Variants in DNAH9 observed in about 807,000 individuals in gnomAD.
DNAH9 encodes DNAH9 variant protein.
A neutral mutation model predicts 471.6 loss-of-function variants in DNAH9; 345 were observed. That is an observed-to-expected ratio of 0.73 (90% confidence interval 0.67 to 0.80). DNAH9 has a LOEUF of 0.80. Ranked by LOEUF, DNAH9 falls within the 30% of genes least tolerant of loss-of-function variation. The pLI is 0.00. For synonymous variants in DNAH9, 2,093 were observed against 2,123.6 expected, an observed-to-expected ratio of 0.99 and a Z score of 0.40; for missense variants, 5,407 against 5,609.2, an observed-to-expected ratio of 0.96 and a Z score of 1.15.
intron 26 of DNAH9, among the ~76,000 whole-genome samples, chr17:11,714,485 T>C (rs1220620490): frequency 4.6e-5 from 7 of 152,202 alleles, no homozygotes; most frequent in African/African-American, 1.7e-4. Flanking sequence ...TCATGGTCAC[T>C]CCTCAGTTAT....
intron 65 of DNAH9, among the ~76,000 whole-genome samples, chr17:11,936,917 T>C (rs1460072180): frequency 6.6e-6 from 1 of 152,098 alleles, no homozygotes; most frequent in Non-Finnish European, 1.5e-5. Flanking sequence ...GTTTGTCATA[T>C]CTGATTTAGA....
intron 26 of DNAH9, 117 bp from the exon 27 acceptor site, chr17:11,719,217 G>A: frequency 9.8e-7 from 1 of 1,017,956 alleles, no homozygotes; most frequent in South Asian, 1.6e-5. Context: ...GGGAAAAAGG[G>A]GCAGGGCTCT....
rs756715867 is a variant in DNAH9, at chr17:11,679,911, A to C, written c.3508A>C (p.Lys1170Gln). The C allele has an allele frequency of 1.5e-5, 25 of 1,614,162 alleles. No homozygotes were observed. In the South Asian group the frequency reaches 2.6e-4, roughly 17 times the overall value. The change falls in exon 18 of 69, where the codon AAG becomes CAG. Residue 1170 changes from lysine (K) to glutamine (Q), a missense_variant. By Grantham distance (53) the Lys-to-Gln change is moderately conservative (BLOSUM62 1). This residue lies in a region of DNAH9 where 4,636 missense variants were observed against 4,900.3 expected (regional missense o/e 0.95). Coordinates refer to ENST00000262442, the MANE Select transcript of DNAH9 (RefSeq NM_001372.4). ...CACTGATGAGATGTTTGAGCCCTTA[A>C]AGCAGACTATTGAATTGCTGAAGAC... ...SNTDEMFEPLKQTIELLKTYE... is the reference protein window; with the variant it reads ...SNTDEMFEPLQQTIELLKTYE...
At chr17:11,651,968 G>A (rs904887458) in intron 13 of DNAH9, among the ~76,000 whole-genome samples, 14 of 151,782 alleles carry the variant, frequency 9.2e-5, no homozygotes, top group African/African-American at 2.7e-4. Context: ...AGATTAATTC[G>A]AATTAGGGTC....
intron 45 of DNAH9, among the ~76,000 whole-genome samples, chr17:11,817,624 C>T (rs1970147497): frequency 6.6e-6 from 1 of 152,172 alleles, no homozygotes; most frequent in African/African-American, 2.4e-5. Context: ...TTGAACTTCA[C>T]ATAATTTCCA....
chr17:11,941,719 G>C (rs950472913), intron 66 of DNAH9, among the ~76,000 whole-genome samples: 1 of 151,946 alleles, frequency 6.6e-6, no homozygotes. Context: ...TAGATAGATA[G>C]ATAGATAGAT....
chr17:11,746,523 C>G (rs1966885580), intron 31 of DNAH9, among the ~76,000 whole-genome samples: 1 of 152,164 alleles, frequency 6.6e-6, no homozygotes, highest in South Asian at 2.1e-4. Flanking sequence ...GGTTATAAAA[C>G]CATCAGATCT....
At chr17:11,930,121 A>G in intron 63 of DNAH9, 28 bp downstream of exon 63, 1 of 1,580,618 alleles carries the variant, frequency 6.3e-7, no homozygotes, top group Non-Finnish European at 8.7e-7. Context: ...AGGCAAAAAC[A>G]GCAGCACACC....
intron 67 of DNAH9, among the ~76,000 whole-genome samples, chr17:11,956,374 A>G (rs1009445389): frequency 6.6e-6 from 1 of 152,180 alleles, no homozygotes; most frequent in Non-Finnish European, 1.5e-5. Context: ...AAGAAGAAAT[A>G]AACAAATCCA....
At chr17:11,684,486 C>T (rs2074200398) in intron 19 of DNAH9, among the ~76,000 whole-genome samples, 1 of 152,166 alleles carries the variant, frequency 6.6e-6, no homozygotes, top group South Asian at 2.1e-4. Flanking sequence ...ACCAGTTCTC[C>T]CTCTTGAATG....
At chr17:11,632,757 A>T (rs943016901) in intron 8 of DNAH9, 54 bp downstream of exon 8, 9 of 833,318 alleles carry the variant, frequency 1.1e-5, no homozygotes, top group Non-Finnish European at 1.9e-5. Context: ...CCCGGCCCTC[A>T]TCAGAGGATG....
At chr17:11,797,171 G>C (rs1464034756) in intron 42 of DNAH9, among the ~76,000 whole-genome samples, 2 of 152,124 alleles carry the variant, frequency 1.3e-5, no homozygotes, top group African/African-American at 4.8e-5. Context: ...ATGTTGGATG[G>C]CTTTGCTGCA....
Position 11,933,920 on chromosome 17 carries a change from T to A in DNAH9, c.12338T>A (p.Met4113Lys). The change falls in exon 65 of 69, where the codon ATG becomes AAG. Residue 4113 changes from methionine to lysine, a missense_variant. Around this residue, in one of 3 missense-constraint regions of DNAH9, gnomAD observed 4,636 missense variants for 4,900.3 expected, o/e 0.95. Transcript: ENST00000262442. ...DDLRYLFGEI[M>K]YGGHITDDWD... The stretch of plus-strand genomic sequence containing the variant: ...TTGCGCTACCTGTTTGGAGAGATCA[T>A]GTATGGAGGCCATATCACAGATGAC... The A allele has an allele frequency of 6.2e-7, 1 of 1,614,134 alleles. No individual in the cohort carries two copies. The highest frequency in any genetic ancestry group is 8.5e-7 in the Non-Finnish European group (1 of 1,180,010).
At chr17:11,772,325 A>G (rs1035530281) in intron 38 of DNAH9, among the ~76,000 whole-genome samples, 3 of 152,178 alleles carry the variant, frequency 2.0e-5, no homozygotes, top group Admixed American at 6.5e-5. Flanking sequence ...TATTTTTAAA[A>G]TATCCTTTAA....
In DNAH9 at chr17:11,742,341, C is replaced by T. The variant is rs149379474; in HGVS notation, c.6111+28C>T. 14 of 1,609,542 alleles carry T rather than the reference C, an allele frequency of 8.7e-6. No homozygotes were observed. The African/African-American group carries it at 1.7e-4, about 20-fold the overall frequency. ...AGGATCTCTAGGGAGGCTGTACAAC[C>T]AAGCACCGTGCAACAGCCCCAGCTC... On this transcript the variant is annotated intron_variant, in intron 30 of 68. Coordinates refer to ENST00000262442, the MANE Select transcript of DNAH9 (RefSeq NM_001372.4).
At position 11,623,840 on chromosome 17, in the gene DNAH9, T is replaced by C. The variant is rs1380387313; in HGVS notation, c.1350+4059T>C. Among the ~76,000 whole-genome samples the C allele has an allele frequency of 1.3e-5, 2 of 152,116 alleles. No individual in the cohort carries two copies. Among genetic ancestry groups the C allele is most frequent in the African/African-American group, 2.4e-5 (1 of 41,414 alleles). ...CACGGGTTAGAGTGTGAAGGGCTGG[T>C]TTTTAATCCCCACAATTCTCCCAGA... On this transcript the variant is annotated intron_variant, in intron 6 of 68. Coordinates refer to ENST00000262442, the MANE Select transcript of DNAH9 (RefSeq NM_001372.4). This position sits in a 1 kb window ranked among gnomAD's most constrained non-coding sequence, Gnocchi z 4.1.
At chr17:11,734,606 C>T (rs556261764) in intron 28 of DNAH9, among the ~76,000 whole-genome samples, 1 of 152,262 alleles carries the variant, frequency 6.6e-6, no homozygotes, top group Non-Finnish European at 1.5e-5. Context: ...CCCGGTGGGG[C>T]AGAAGGAAGT....
At chr17:11,914,710 A>G (rs1012940437) in intron 61 of DNAH9, among the ~76,000 whole-genome samples, 1 of 152,136 alleles carries the variant, frequency 6.6e-6, no homozygotes, top group Non-Finnish European at 1.5e-5. Context: ...CAGTGAAATT[A>G]TATTCTTTCT....
intron 28 of DNAH9, among the ~76,000 whole-genome samples, chr17:11,734,996 C>A (rs2075322823): frequency 6.6e-6 from 1 of 152,172 alleles, no homozygotes; most frequent in African/African-American, 2.4e-5. Context: ...TTCCGACGCA[C>A]CTCATTGGAC....
Sources: allele counts gnomAD v4.1 joint callset (sites outside exome capture counted in the v4.1 genomes callset), GRCh38; gene constraint gnomAD v4.1.1; regional missense constraint gnomAD v4.1.1; non-coding constraint Gnocchi (gnomAD v3.1); transcripts MANE v1.5; gene names NCBI Gene and HGNC (gene_info 2026-07-23, HGNC 2026-07-21).